Variants in OSBP2 observed in about 807,000 individuals in gnomAD.
The protein encoded by OSBP2 is oxysterol binding protein 2, also known as oxysterol-binding protein 2.
Under a neutral mutation model 96.0 loss-of-function variants are expected in OSBP2, and 66 were observed. That is an observed-to-expected ratio of 0.69 (90% CI 0.56 to 0.84). The LOEUF (loss-of-function observed/expected upper bound fraction) is 0.84, where lower values mean the gene tolerates loss of function less well. Ranked by LOEUF, OSBP2 falls within the 40% of genes least tolerant of loss-of-function variation. The probability of loss-of-function intolerance (pLI) is 0.00; values close to 1 mark genes in which losing one functional copy is unlikely to be tolerated. For synonymous variants in OSBP2, 525 were observed against 520.9 expected (o/e 1.01, Z -0.11); for missense variants, 1,038 against 1,222.7 (o/e 0.85, Z 2.25).
chr22:30,887,145 G>C (rs2039828907), intron 3 of OSBP2, among the ~76,000 whole-genome samples: 1 of 152,174 alleles, frequency 6.6e-6, no homozygotes, highest in South Asian at 2.1e-4. Context: ...GTGTAGCAGT[G>C]AGGACGACCA....
intron 3 of OSBP2, among the ~76,000 whole-genome samples, chr22:30,884,450 C>G (rs1391248957): frequency 6.6e-6 from 1 of 152,220 alleles, no homozygotes; most frequent in Non-Finnish European, 1.5e-5. Context: ...TGATAGTGCA[C>G]CCCTGGCCAC....
chr22:30,869,864 C>T (rs5753363), intron 2 of OSBP2, among the ~76,000 whole-genome samples: 21,069 of 152,022 alleles, frequency 0.14, 1,718 homozygotes, highest in East Asian at 0.29. Context: ...GGGGACATGG[C>T]GGGAAAGGCC....
chr22:30,785,837 T>C (rs1216182549), intron 2 of OSBP2, among the ~76,000 whole-genome samples: 1 of 152,154 alleles, frequency 6.6e-6, no homozygotes, highest in Non-Finnish European at 1.5e-5. Flanking sequence ...GCTCCTGCTC[T>C]CTCTCTCCTG....
intron 2 of OSBP2, among the ~76,000 whole-genome samples, chr22:30,840,324 GAAAAA>G (rs907220395): frequency 7.6e-6 from 1 of 130,996 alleles, no homozygotes; most frequent in Non-Finnish European, 1.6e-5. Context: ...AAAGAAAAAG[GAAAAA>G]AAAAAAGAAA....
chr22:30,795,660 C>T (rs2090749243), intron 2 of OSBP2, among the ~76,000 whole-genome samples: 1 of 152,114 alleles, frequency 6.6e-6, no homozygotes, highest in Non-Finnish European at 1.5e-5. Context: ...GCTGGGATTA[C>T]AGGCATGCGC....
chr22:30,874,507 C>G (rs901413097), intron 3 of OSBP2, among the ~76,000 whole-genome samples: 1 of 152,174 alleles, frequency 6.6e-6, no homozygotes, highest in African/African-American at 2.4e-5. Context: ...TTTAGGTCCT[C>G]AGCTCCTAGA....
At chr22:30,858,554 C>A (rs2039134810) in intron 2 of OSBP2, among the ~76,000 whole-genome samples, 1 of 151,700 alleles carries the variant, frequency 6.6e-6, no homozygotes, top group African/African-American at 2.4e-5. Flanking sequence ...CTCTTCATGG[C>A]AAATACCTAC....
intron 1 of OSBP2, among the ~76,000 whole-genome samples, chr22:30,720,424 G>C (rs2145702623): frequency 6.6e-6 from 1 of 152,234 alleles, no homozygotes; most frequent in South Asian, 2.1e-4. Flanking sequence ...GGAGGCCTCA[G>C]TTCCTCACCC....
intron 2 of OSBP2, among the ~76,000 whole-genome samples, chr22:30,744,499 C>A (rs142430005): frequency 6.6e-6 from 1 of 152,176 alleles, no homozygotes; most frequent in Non-Finnish European, 1.5e-5. Context: ...CTCCCCAGCT[C>A]TTTTGCCATG....
At position 30,725,435 on chromosome 22, in the gene OSBP2, C is replaced by T. The variant is rs906860435; in HGVS notation, c.645-15726C>T. Among the ~76,000 whole-genome samples, 6 of 151,434 alleles carry T rather than the reference C, an allele frequency of 4.0e-5. 1 individual carries two copies. The highest frequency in any genetic ancestry group is 3.3e-4 in the Admixed American group (5 of 15,186). On this transcript the variant is annotated intron_variant, in intron 1 of 13. Coordinates refer to ENST00000332585, the MANE Select transcript of OSBP2 (RefSeq NM_030758.4). ...CTGAAGCATGAGAATCACTTGGACC[C>T]GGGAGGCAGAGGTTGTAGTGAGCTG...
intron 2 of OSBP2, among the ~76,000 whole-genome samples, chr22:30,814,193 C>A (rs1183816456): frequency 6.6e-6 from 1 of 152,120 alleles, no homozygotes; most frequent in African/African-American, 2.4e-5. Context: ...CAAAATGCCA[C>A]AGCCTCGGTG....
chr22:30,890,643 T>A lies in OSBP2; in HGVS notation c.1624-85T>A. ...TGTGAAGGTGCTGTCTGAGCAGGGATGTCCCTGAACATCCGAGAAAAGCAA... is the reference window on the plus strand; with the variant it reads ...TGTGAAGGTGCTGTCTGAGCAGGGAAGTCCCTGAACATCCGAGAAAAGCAA... On this transcript the variant is annotated intron_variant, in intron 7 of 13. Transcript: ENST00000332585. This position sits in a 1 kb window ranked among gnomAD's most constrained non-coding sequence, Gnocchi z 4.4. The A allele has an allele frequency of 6.8e-7, 1 of 1,474,862 alleles. No homozygotes were observed. Among genetic ancestry groups the A allele is most frequent in the Non-Finnish European group, 9.3e-7 (1 of 1,075,706 alleles). The allele number at this position is 1,474,862 out of a possible 1,614,324, so 91.4% of individuals were successfully genotyped here.
intron 12 of OSBP2, among the ~76,000 whole-genome samples, chr22:30,899,686 A>T (rs1033342926): frequency 6.6e-6 from 1 of 152,186 alleles, no homozygotes; most frequent in Non-Finnish European, 1.5e-5. Context: ...AGGAAAATAA[A>T]AGTTCTACCC....
chr22:30,905,134 C>CTTTTTTTT (rs566334052), intron 12 of OSBP2, among the ~76,000 whole-genome samples: 3 of 68,704 alleles, frequency 4.4e-5, no homozygotes, highest in East Asian at 8.0e-4. Context: ...CGAGACCCGT[C>CTTTTTTTT]TTTTTTTTTT....
intron 2 of OSBP2, 47 bp downstream of exon 2, chr22:30,741,416 G>A: frequency 6.7e-7 from 1 of 1,489,038 alleles, no homozygotes; most frequent in Non-Finnish European, 9.1e-7. Context: ...GGTGTCATGA[G>A]TCTGGAGGAA....
intron 3 of OSBP2, among the ~76,000 whole-genome samples, chr22:30,880,271 C>G (rs145336408): frequency 2.6e-5 from 4 of 152,304 alleles, no homozygotes; most frequent in Non-Finnish European, 4.4e-5. Context: ...AGCCTTGGCC[C>G]TAGAAACCTG....
chr22:30,865,297 C>T (rs2039311308), intron 2 of OSBP2, among the ~76,000 whole-genome samples: 1 of 152,094 alleles, frequency 6.6e-6, no homozygotes, highest in Admixed American at 6.5e-5. Context: ...CAGGGCCTCC[C>T]CTGGTTCCGA....
chr22:30,779,469 T>C (rs2090484925), intron 2 of OSBP2, among the ~76,000 whole-genome samples: 2 of 152,128 alleles, frequency 1.3e-5, no homozygotes, highest in South Asian at 4.2e-4. Context: ...ACAACATATA[T>C]ATAAAATCTA....
At chr22:30,875,071 T>A (rs2039548708) in intron 3 of OSBP2, among the ~76,000 whole-genome samples, 1 of 152,180 alleles carries the variant, frequency 6.6e-6, no homozygotes, top group Non-Finnish European at 1.5e-5. Flanking sequence ...GATAAAGCAC[T>A]CCAAGTGGCC....
Sources: gnomAD v4.1 joint callset for allele counts (sites outside exome capture counted in the v4.1 genomes callset) on GRCh38, gnomAD v4.1.1 for gene constraint, Gnocchi (gnomAD v3.1) non-coding constraint, MANE v1.5 for transcripts, NCBI Gene and HGNC (gene_info 2026-07-23, HGNC 2026-07-21) for gene names.